Variants in PKHD1 observed in about 807,000 individuals in gnomAD.
PKHD1 encodes fibrocystin.
In PKHD1, 291 loss-of-function variants were observed where a neutral mutation model predicts 412.0. The ratio of observed to expected loss-of-function variants is 0.71; its 90% CI spans 0.64 to 0.78. PKHD1 has a LOEUF of 0.78. Among genes scored for constraint, PKHD1 ranks in the 30% least tolerant of loss-of-function variants. PKHD1 has a pLI of 0.00. For synonymous variants in PKHD1, 1,777 were observed against 1,821.5 expected (o/e 0.98, Z 0.62); for missense variants, 4,825 against 4,950.7 (o/e 0.97, Z 0.76).
At chr6:51,885,278 T>C (rs1778030033) in intron 45 of PKHD1, among the ~76,000 whole-genome samples, 1 of 152,180 alleles carries the variant, frequency 6.6e-6, no homozygotes, top group African/African-American at 2.4e-5. Context: ...ACATGAACCT[T>C]TTCTTTTCCT....
intron 35 of PKHD1, among the ~76,000 whole-genome samples, chr6:51,967,145 A>G (rs1391253938): frequency 6.9e-6 from 1 of 144,914 alleles, no homozygotes; most frequent in Non-Finnish European, 1.5e-5. Flanking sequence ...ATGTCATAGA[A>G]AAAAAAAATC....
rs60100099 is a variant in PKHD1, at chr6:51,791,663, G to A, written c.8303-290C>T. Among the ~76,000 whole-genome samples, 3,194 of 152,232 alleles carry A rather than the reference G, an allele frequency of 0.021. 117 individuals are homozygous for A. Among genetic ancestry groups the A allele is most frequent in the African/African-American group, 0.071 (2,962 of 41,528 alleles). On this transcript the variant is annotated intron_variant, in intron 52 of 66. Transcript: ENST00000371117. ...CTAGTGCAGTGGAAACACACAGATC[G>A]AATGAGCTCCCTACCCTTTGTCCTG...
At chr6:51,826,631 A>C (rs1198847260) in intron 52 of PKHD1, among the ~76,000 whole-genome samples, 1 of 152,200 alleles carries the variant, frequency 6.6e-6, no homozygotes, top group East Asian at 1.9e-4. Flanking sequence ...TTTTTCCAAT[A>C]TTTAGAAAGC....
At chr6:51,935,964 C>T (rs1379598061) in intron 36 of PKHD1, among the ~76,000 whole-genome samples, 3 of 152,174 alleles carry the variant, frequency 2.0e-5, no homozygotes, top group Non-Finnish European at 4.4e-5. Context: ...TAAAATAGCA[C>T]ACCCTAGCCC....
chr6:51,714,785 A>G (rs1387497060), intron 60 of PKHD1, among the ~76,000 whole-genome samples: 1 of 151,928 alleles, frequency 6.6e-6, no homozygotes, highest in Non-Finnish European at 1.5e-5. Context: ...TTTGTTATCT[A>G]TTTTTTTGTT....
chr6:51,943,394 C>CAA lies in PKHD1; in HGVS notation c.5909-9074_5909-9073dup, dbSNP rs879367102. On this transcript the variant is annotated intron_variant, in intron 36 of 66. Coordinates refer to ENST00000371117, the MANE Select transcript of PKHD1 (RefSeq NM_138694.4). ...CCAACTTGGACTGCATCCCTTCCAC[C>CAA]AAAAAAAAAAAAAACTCATCATCCC... 1.4e-3 allele frequency among the ~76,000 whole-genome samples: 186 copies of CAA among 137,292 alleles called. 2 individuals carry two copies. Among genetic ancestry groups the CAA allele is most frequent in the African/African-American group, 4.6e-3 (175 of 37,672 alleles). 90.1% of individuals were successfully genotyped at this position (137,292 alleles called of 152,430 possible).
chr6:51,731,933 C>T (rs1482120145), intron 60 of PKHD1, among the ~76,000 whole-genome samples: 1 of 152,012 alleles, frequency 6.6e-6, no homozygotes, highest in African/African-American at 2.4e-5. Flanking sequence ...ATATGTGATT[C>T]TACTTTTTCA....
intron 16 of PKHD1, among the ~76,000 whole-genome samples, chr6:52,057,922 C>A (rs1034943719): frequency 6.6e-6 from 1 of 152,290 alleles, no homozygotes; most frequent in East Asian, 1.9e-4. Flanking sequence ...AAGGACATGA[C>A]CTTTTCAAAG....
rs138388301 is a variant in PKHD1, at chr6:52,026,027, G to A, written c.3783C>T (p.Gly1261=). 1.0e-3 allele frequency: 1,662 copies of A among 1,614,034 alleles called. 3 individuals are homozygous for A. Among genetic ancestry groups the A allele is most frequent in the Non-Finnish European group, 1.3e-3 (1,545 of 1,180,008 alleles). The stretch of plus-strand genomic sequence containing the variant: ...CCACGGCAGCTGGAACAGTGGGAGC[G>A]CCCGCATCGGGTATCTGGGGGGCTG... The part of the protein sequence containing the change: ...TLPAPQIPDA[G]APTVPAAVEV... Residue 1261 remains glycine, a synonymous_variant, in exon 32 of 67, where the codon GGC becomes GGT. Transcript: ENST00000371117.
In PKHD1 at chr6:51,748,019, C is replaced by A. The variant is rs1177191664; in HGVS notation, c.9597G>T (p.Val3199=). The change falls in exon 58 of 67, where the codon GTG becomes GTT. Residue 3199 remains valine (V), a synonymous_variant. Coordinates refer to ENST00000371117, the MANE Select transcript of PKHD1 (RefSeq NM_138694.4). The part of the protein sequence containing the change: ...PQNSVKKVQI[V]LRNSVIVATS... ...TGGCCACAATGACTGAATTCCTAAG[C>A]ACAATCTGCACTTTTTTGACGGAAT... The A allele has an allele frequency of 6.2e-7, 1 of 1,614,094 alleles. No individual in the cohort carries two copies. The highest frequency in any genetic ancestry group is 8.5e-7 in the Non-Finnish European group (1 of 1,179,990).
rs1253032728 is a variant in PKHD1, at chr6:51,897,041, T to G, written c.6996+6556A>C. Among the ~76,000 whole-genome samples, 27 of 150,946 alleles carry G rather than the reference T, an allele frequency of 1.8e-4. No individual in the cohort carries two copies. In the East Asian group the frequency reaches 5.3e-3, roughly 29 times the overall value. ...AAAGACCAAATCTACGTCTGATTGG[T>G]GTACCTGAAAGTGATGGGGAGAATG... On this transcript the variant is annotated intron_variant, in intron 43 of 66. Transcript: ENST00000371117.
intron 60 of PKHD1, among the ~76,000 whole-genome samples, chr6:51,670,941 T>C (rs1023358552): frequency 2.0e-5 from 3 of 152,014 alleles, no homozygotes; most frequent in Non-Finnish European, 4.4e-5. Context: ...GGGCTTCCCT[T>C]TGTGGGTAAC....
intron 60 of PKHD1, among the ~76,000 whole-genome samples, chr6:51,685,489 C>A (rs1487250305): frequency 6.6e-6 from 1 of 152,022 alleles, no homozygotes; most frequent in Non-Finnish European, 1.5e-5. Flanking sequence ...TATTACAAAA[C>A]AATGTTAAAA....
chr6:51,859,513 G>A (rs1430843819), intron 48 of PKHD1, among the ~76,000 whole-genome samples: 3 of 105,310 alleles, frequency 2.8e-5, no homozygotes, highest in South Asian at 7.2e-4. Flanking sequence ...GCAACAGAGC[G>A]AGATTCCGTC....
rs886302161 is a variant in PKHD1 at position 51,867,808 on chromosome 6, G to A, written c.7733+55C>T. 20 of 1,528,254 alleles carry A rather than the reference G, an allele frequency of 1.3e-5. 1 individual carries two copies. Among genetic ancestry groups the A allele is most frequent in the South Asian group, 1.2e-4 (11 of 88,844 alleles). 94.7% of individuals were successfully genotyped at this position (1,528,254 alleles called of 1,614,324 possible). On this transcript the variant is annotated intron_variant, in intron 48 of 66. Transcript: ENST00000371117. The stretch of plus-strand genomic sequence containing the variant: ...TCCCTTCTATAAGCCTCGACAGCCA[G>A]AATAACAGATGCATGCCCATCGGCA...
At position 52,025,694 on chromosome 6, in the gene PKHD1, C is replaced by T. The variant is rs767970427; in HGVS notation, c.4116G>A (p.Gln1372=). 5 of 1,614,236 alleles carry T rather than the reference C, an allele frequency of 3.1e-6. No individual in the cohort carries two copies. The highest frequency in any genetic ancestry group is 4.2e-6 in the Non-Finnish European group (5 of 1,180,042). ...CCACAGACATATTAGCAAATCCCAT[C>T]TGCTTCTGACGTACTTGGAGAGGAT... The part of the protein sequence containing the change: ...GIYPLQVRQK[Q]MGFANMSVVL... Residue 1372 remains glutamine (Q), a synonymous_variant, in exon 32 of 67, where the codon CAG becomes CAA. Transcript: ENST00000371117.
At chr6:51,982,592 A>G (rs1296843742) in intron 35 of PKHD1, among the ~76,000 whole-genome samples, 1 of 146,888 alleles carries the variant, frequency 6.8e-6, no homozygotes, top group African/African-American at 2.5e-5. Context: ...GTGCTTTGTT[A>G]AACAGATGCT....
At chr6:51,638,224 A>G (rs546797479) in intron 64 of PKHD1, among the ~76,000 whole-genome samples, 2 of 152,328 alleles carry the variant, frequency 1.3e-5, no homozygotes, top group African/African-American at 4.8e-5. Flanking sequence ...TTCCCTGGCT[A>G]TACGATCACT....
chr6:52,011,750 C>T (rs555135147), intron 34 of PKHD1, among the ~76,000 whole-genome samples: 3 of 152,318 alleles, frequency 2.0e-5, no homozygotes, highest in African/African-American at 7.2e-5. Context: ...CTTCTTCATG[C>T]TAAAATATTC....
Sources: gnomAD v4.1 joint callset for allele counts (sites outside exome capture counted in the v4.1 genomes callset) on GRCh38, gnomAD v4.1.1 for gene constraint, MANE v1.5 for transcripts, NCBI Gene and HGNC (gene_info 2026-07-23, HGNC 2026-07-21) for gene names.